Variants in MYO1B observed in about 807,000 individuals in gnomAD.
The protein encoded by MYO1B is myosin IB, also known as unconventional myosin-Ib.
MYO1B carries 72 observed loss-of-function variants against 159.7 expected under a neutral mutation model. The observed-to-expected ratio is 0.45, with a 90% CI of 0.37 to 0.55. MYO1B has a LOEUF of 0.55. Among genes scored for constraint, MYO1B ranks in the 20% least tolerant of loss-of-function variants. The pLI is 0.00. For missense variants in MYO1B, 1,062 were observed against 1,364.8 expected, an observed-to-expected ratio of 0.78 and a Z score of 3.50; for synonymous variants, 468 against 473.8, an observed-to-expected ratio of 0.99 and a Z score of 0.16.
At chr2:191,308,948 C>T (rs564476856) in intron 3 of MYO1B, among the ~76,000 whole-genome samples, 5 of 152,322 alleles carry the variant, frequency 3.3e-5, no homozygotes, top group Admixed American at 6.5e-5. Flanking sequence ...TCCGCATTCC[C>T]GTGGCAAGTC....
intron 2 of MYO1B, among the ~76,000 whole-genome samples, chr2:191,286,357 A>G (rs1352510649): frequency 6.6e-6 from 1 of 151,282 alleles, no homozygotes; most frequent in Non-Finnish European, 1.5e-5. Flanking sequence ...AAAAAAAAAG[A>G]CCGAGGCCCT....
intron 9 of MYO1B, among the ~76,000 whole-genome samples, chr2:191,363,335 A>G (rs1428674053): frequency 6.6e-6 from 1 of 152,156 alleles, no homozygotes; most frequent in Non-Finnish European, 1.5e-5. Context: ...CACCTTTGCA[A>G]ACCACAGTTT....
At chr2:191,359,015 G>C (rs1693486344) in intron 7 of MYO1B, among the ~76,000 whole-genome samples, 1 of 152,200 alleles carries the variant, frequency 6.6e-6, no homozygotes, top group Non-Finnish European at 1.5e-5. Flanking sequence ...ATGTAATCAA[G>C]CCACTTTCTT....
Position 191,412,844 on chromosome 2 carries a change from GGA to G in MYO1B, c.2874-1203_2874-1202del, listed in dbSNP as rs1697331461. 2.7e-4 allele frequency among the ~76,000 whole-genome samples: 12 copies of G among 44,024 alleles called. No homozygotes were observed. The South Asian group carries it at 0.016, about 59-fold the overall frequency. 28.9% of individuals were successfully genotyped at this position (44,024 alleles called of 152,430 possible). ...CCTTTTACAAAAATTAGTTTGTTTGGGAAAAAAAAAATTGCCCTGATTCTGAA... is the reference window on the plus strand; with the variant it reads ...CCTTTTACAAAAATTAGTTTGTTTGGAAAAAAAAATTGCCCTGATTCTGAA... On this transcript the variant is annotated intron_variant, in intron 27 of 30. Coordinates refer to ENST00000392318, the MANE Select transcript of MYO1B (RefSeq NM_001130158.3).
intron 7 of MYO1B, 63 bp from the exon 8 acceptor site, chr2:191,360,568 A>G (rs2138913): frequency 0.41 from 417,321 of 1,023,950 alleles, 86,692 homozygotes; most frequent in Middle Eastern, 0.52. Context: ...TGAGAAGGAA[A>G]AAAAGCATGG....
At chr2:191,313,192 C>CTTTGTTTT (rs1690117840) in intron 3 of MYO1B, among the ~76,000 whole-genome samples, 2 of 42,992 alleles carry the variant, frequency 4.7e-5, no homozygotes, top group Non-Finnish European at 7.5e-5. Context: ...GCACACATGG[C>CTTTGTTTT]TTTTTTTTTT....
chr2:191,292,920 T>C (rs1394130499), intron 2 of MYO1B, among the ~76,000 whole-genome samples: 1 of 152,230 alleles, frequency 6.6e-6, no homozygotes, highest in African/African-American at 2.4e-5. Context: ...TAGTCTCACC[T>C]GGAATCACTC....
intron 1 of MYO1B, among the ~76,000 whole-genome samples, chr2:191,266,409 T>C (rs1474882340): frequency 6.6e-6 from 1 of 152,244 alleles, no homozygotes; most frequent in African/African-American, 2.4e-5. Context: ...AGCCTGGGTC[T>C]GTGGCTCCAC....
chr2:191,351,323 G>A (rs923507925), intron 7 of MYO1B, among the ~76,000 whole-genome samples: 3 of 152,108 alleles, frequency 2.0e-5, no homozygotes, highest in Non-Finnish European at 4.4e-5. Context: ...AATGAGACCT[G>A]ATCTGGTTGA....
intron 25 of MYO1B, 85 bp downstream of exon 25, chr2:191,408,274 C>A: frequency 1.1e-6 from 1 of 901,220 alleles, no homozygotes; most frequent in Middle Eastern, 2.2e-4. Context: ...TGTGCCTTTT[C>A]CTAAATGACA....
At chr2:191,369,472 T>C (rs1193005190) in intron 11 of MYO1B, 70 bp from the exon 12 acceptor site, 2 of 1,154,520 alleles carry the variant, frequency 1.7e-6, no homozygotes. Flanking sequence ...AAAAGTATCT[T>C]TATGATTTTA....
At chr2:191,289,420 AAGAT>A (rs1171132619) in intron 2 of MYO1B, among the ~76,000 whole-genome samples, 1 of 152,020 alleles carries the variant, frequency 6.6e-6, no homozygotes, top group Non-Finnish European at 1.5e-5. Flanking sequence ...TATGGACATT[AAGAT>A]AGAGAATTTG....
At chr2:191,397,512 A>T (rs1043178232) in intron 21 of MYO1B, among the ~76,000 whole-genome samples, 1 of 152,070 alleles carries the variant, frequency 6.6e-6, no homozygotes, top group Non-Finnish European at 1.5e-5. Context: ...GTTAGGGATA[A>T]GGTCACAGAT....
chr2:191,402,907 A>G (rs918478515), intron 24 of MYO1B, among the ~76,000 whole-genome samples, 189 bp downstream of exon 24: 4 of 152,116 alleles, frequency 2.6e-5, no homozygotes, highest in Non-Finnish European at 5.9e-5. Flanking sequence ...TGTGATTTCT[A>G]TTTCTTTAAA....
intron 1 of MYO1B, among the ~76,000 whole-genome samples, chr2:191,270,161 C>T (rs150213347): frequency 6.6e-6 from 1 of 152,210 alleles, no homozygotes; most frequent in Non-Finnish European, 1.5e-5. Flanking sequence ...TGTCACATTC[C>T]TACCTTGAGA....
intron 1 of MYO1B, among the ~76,000 whole-genome samples, chr2:191,252,768 A>G (rs1198344300): frequency 6.6e-6 from 1 of 152,174 alleles, no homozygotes; most frequent in African/African-American, 2.4e-5. Context: ...CGAAATCTAA[A>G]TTTATTACCT....
chr2:191,321,211 G>A (rs1329322577), intron 3 of MYO1B, among the ~76,000 whole-genome samples: 4 of 152,128 alleles, frequency 2.6e-5, no homozygotes. Context: ...TAAAAAATCA[G>A]CAGAAACCAT....
chr2:191,358,632 G>A (rs887832814), intron 7 of MYO1B, among the ~76,000 whole-genome samples: 1 of 152,176 alleles, frequency 6.6e-6, no homozygotes, highest in Admixed American at 6.5e-5. Flanking sequence ...CGGGCTTTTT[G>A]ATGGTGTTAT....
chr2:191,389,607 T>C (rs1303333772), intron 17 of MYO1B, among the ~76,000 whole-genome samples: 1 of 152,184 alleles, frequency 6.6e-6, no homozygotes, highest in Non-Finnish European at 1.5e-5. Context: ...TCCCCTCTGA[T>C]CCTAGTGGCC....
Sources: allele counts gnomAD v4.1 joint callset (sites outside exome capture counted in the v4.1 genomes callset), GRCh38; gene constraint gnomAD v4.1.1; transcripts MANE v1.5; gene names NCBI Gene and HGNC (gene_info 2026-07-23, HGNC 2026-07-21).